RIMS1: variants seen among roughly 807,000 people sequenced by gnomAD.
RIMS1 encodes regulating synaptic membrane exocytosis 1, also known as regulating synaptic membrane exocytosis protein 1.
A neutral mutation model predicts 214.1 loss-of-function variants in RIMS1; 83 were observed. That is an observed-to-expected ratio of 0.39 (90% CI 0.32 to 0.47). The LOEUF is 0.47. RIMS1 is among the 20% of genes least tolerant of loss of function. The probability of loss-of-function intolerance (pLI) is 0.99; values close to 1 mark genes in which losing one functional copy is unlikely to be tolerated. For missense variants in RIMS1, 2,050 were observed against 2,161.8 expected, an observed-to-expected ratio of 0.95 and a Z score of 1.03; for synonymous variants, 793 against 786.8, an observed-to-expected ratio of 1.01 and a Z score of -0.13.
intron 2 of RIMS1, among the ~76,000 whole-genome samples, chr6:71,994,242 C>T (rs982362895): frequency 6.6e-5 from 10 of 151,970 alleles, no homozygotes; most frequent in African/African-American, 2.4e-4. Flanking sequence ...AAAGATAAAG[C>T]AAAAATCATT....
chr6:72,111,964 C>G (rs1051683240), intron 4 of RIMS1, among the ~76,000 whole-genome samples: 1 of 152,112 alleles, frequency 6.6e-6, no homozygotes, highest in Non-Finnish European at 1.5e-5. Context: ...GAGGAGACCA[C>G]CAAAGAGGCT....
intron 2 of RIMS1, among the ~76,000 whole-genome samples, chr6:72,019,828 T>A (rs1814027409): frequency 6.6e-6 from 1 of 152,128 alleles, no homozygotes; most frequent in Non-Finnish European, 1.5e-5. Context: ...TTAATTGTAG[T>A]TTTTTTCCCC....
chr6:71,951,492 T>G (rs1125945), intron 1 of RIMS1, among the ~76,000 whole-genome samples: 4,985 of 117,612 alleles, frequency 0.042, 330 homozygotes, highest in African/African-American at 0.16. Flanking sequence ...TTTTTTTTTT[T>G]TGTGTGTGTG....
At chr6:71,969,851 A>G (rs1025254513) in intron 2 of RIMS1, among the ~76,000 whole-genome samples, 2 of 152,118 alleles carry the variant, frequency 1.3e-5, no homozygotes, top group African/African-American at 2.4e-5. Flanking sequence ...TTGTCCATCT[A>G]GTTTCATTTT....
intron 29 of RIMS1, among the ~76,000 whole-genome samples, chr6:72,352,983 CTTTTTTTT>C (rs70994123): frequency 1.1e-5 from 1 of 88,288 alleles, no homozygotes; most frequent in Non-Finnish European, 2.1e-5. Context: ...ATTCTTTTTT[CTTTTTTTT>C]TTTTTTTTTT....
chr6:72,200,857 TTGTGTGTGTGTGTGTGTGTG>T lies in RIMS1; in HGVS notation c.1678+17731_1678+17750del, dbSNP rs70994114. Among the ~76,000 whole-genome samples the T allele has an allele frequency of 2.9e-4, 42 of 146,256 alleles. No homozygotes were observed. In the East Asian group the frequency reaches 8.5e-3, roughly 30 times the overall value. ...TTGAGAAGAGATTGAAAGGACACAA[TTGTGTGTGTGTGTGTGTGTG>T]TGTGTGTGTGTGTGTGTGTGTGGTC... On this transcript the variant is annotated intron_variant, in intron 6 of 33. Transcript: ENST00000521978.
In RIMS1 at chr6:72,179,576, T is replaced by C; in HGVS notation, c.473T>C (p.Val158Ala). Residue 158 changes from valine (V) to alanine (A), a missense_variant and splice_region_variant, in exon 5 of 34, where the codon GTT becomes GCT. This residue lies in a region of RIMS1 where 882 missense variants were observed against 828.9 expected (regional missense o/e 1.06). Transcript: ENST00000521978. The stretch of plus-strand genomic sequence containing the variant: ...TATTGTTCTTTCTTCTTCAAATAGG[T>C]TATGTGGGTATGCAATTTATGTCGA... ...SLRSNNEDKVVMWVCNLCRKQ... is the reference protein window; with the variant it reads ...SLRSNNEDKVAMWVCNLCRKQ... 1.2e-6 allele frequency: 2 copies of C among 1,611,650 alleles called. No homozygotes were observed. The highest frequency in any genetic ancestry group is 1.7e-6 in the Non-Finnish European group (2 of 1,178,088).
rs146116129 is a variant in RIMS1, at chr6:72,297,656, A to G, written c.3850+5610A>G. Among the ~76,000 whole-genome samples the G allele has an allele frequency of 1.3e-4, 20 of 152,076 alleles. No homozygotes were observed. The East Asian group carries it at 3.7e-3, about 28-fold the overall frequency. The stretch of plus-strand genomic sequence containing the variant: ...ACAGGATGTAGAAATGCCTCACAGA[A>G]TAGACCACATTTTTAGAAATAACCA... On this transcript the variant is annotated intron_variant, in intron 26 of 33. Transcript: ENST00000521978.
At chr6:72,360,918 CTGTT>C (rs1279226869) in intron 29 of RIMS1, among the ~76,000 whole-genome samples, 1 of 148,432 alleles carries the variant, frequency 6.7e-6, no homozygotes, top group Non-Finnish European at 1.5e-5. Flanking sequence ...TAGAAATCCT[CTGTT>C]TAAGTGGTAG....
chr6:72,371,680 G>A (rs552324769), intron 29 of RIMS1, among the ~76,000 whole-genome samples: 18 of 152,198 alleles, frequency 1.2e-4, no homozygotes, highest in African/African-American at 3.9e-4. Flanking sequence ...TGAAGTGCTG[G>A]CCAGCATTCA....
intron 22 of RIMS1, among the ~76,000 whole-genome samples, chr6:72,274,084 A>G (rs1022515798): frequency 2.6e-5 from 4 of 152,208 alleles, no homozygotes; most frequent in African/African-American, 7.2e-5. Flanking sequence ...TGGAAGAAAA[A>G]AACTACACTT....
intron 6 of RIMS1, among the ~76,000 whole-genome samples, chr6:72,223,673 T>C (rs113356421): frequency 0.019 from 2,895 of 151,970 alleles, 33 homozygotes; most frequent in African/African-American, 0.03. Context: ...GCAGGCCAGG[T>C]GCGGTGGCTC....
chr6:72,395,111 A>G (rs1179040029), intron 31 of RIMS1, among the ~76,000 whole-genome samples: 1 of 152,090 alleles, frequency 6.6e-6, no homozygotes, highest in Non-Finnish European at 1.5e-5. Flanking sequence ...AACATGGCTT[A>G]TATAAATTTA....
chr6:72,131,787 G>A (rs2040484076), intron 4 of RIMS1, among the ~76,000 whole-genome samples: 1 of 152,090 alleles, frequency 6.6e-6, no homozygotes, highest in Admixed American at 6.6e-5. Flanking sequence ...AGCACTATGG[G>A]AGACTGGGGT....
At chr6:72,169,345 C>A (rs574442999) in intron 4 of RIMS1, among the ~76,000 whole-genome samples, 2 of 152,080 alleles carry the variant, frequency 1.3e-5, no homozygotes, top group Admixed American at 6.5e-5. Context: ...GGCTTGAGAT[C>A]AAAATATTTG....
At chr6:71,895,673 CAAAA>C (rs70994105) in intron 1 of RIMS1, among the ~76,000 whole-genome samples, 4 of 64,220 alleles carry the variant, frequency 6.2e-5, no homozygotes, top group African/African-American at 1.9e-4. Flanking sequence ...GACTCCCTCT[CAAAA>C]AAAAAAAAAA....
intron 29 of RIMS1, among the ~76,000 whole-genome samples, chr6:72,379,875 C>T (rs960928540): frequency 1.3e-5 from 2 of 152,148 alleles, no homozygotes; most frequent in Non-Finnish European, 2.9e-5. Flanking sequence ...CTGGTCCAGG[C>T]TCCACTTGGA....
chr6:72,205,002 T>C (rs2052654143), intron 6 of RIMS1, among the ~76,000 whole-genome samples: 1 of 152,150 alleles, frequency 6.6e-6, no homozygotes, highest in South Asian at 2.1e-4. Context: ...ACCTTTTCAT[T>C]GGATGACAAG....
At chr6:72,179,340 G>C (rs2048142133) in intron 4 of RIMS1, 2 of 517,410 alleles carry the variant, frequency 3.9e-6, no homozygotes, top group Admixed American at 6.5e-5. Context: ...AATCAGAAAT[G>C]CTGAGAAAAA....
Sources: gnomAD v4.1 joint callset for allele counts (sites outside exome capture counted in the v4.1 genomes callset) on GRCh38, gnomAD v4.1.1 for gene constraint, gnomAD v4.1.1 regional missense constraint, MANE v1.5 for transcripts, NCBI Gene and HGNC (gene_info 2026-07-23, HGNC 2026-07-21) for gene names.